ARHGEF3: variants seen among roughly 807,000 people sequenced by gnomAD.
The protein encoded by ARHGEF3 is Rho guanine nucleotide exchange factor 3.
A neutral mutation model predicts 63.2 loss-of-function variants in ARHGEF3; 28 were observed. The observed-to-expected ratio is 0.44, with a 90% CI of 0.33 to 0.61. The LOEUF (loss-of-function observed/expected upper bound fraction) is 0.61, where lower values mean the gene tolerates loss of function less well. Among genes scored for constraint, ARHGEF3 ranks in the 20% least tolerant of loss-of-function variants. The pLI, the probability that ARHGEF3 is intolerant of heterozygous loss-of-function variation, is 0.03. For synonymous variants in ARHGEF3, 266 were observed against 254.2 expected, an observed-to-expected ratio of 1.05 and a Z score of -0.44; for missense variants, 533 against 659.3, an observed-to-expected ratio of 0.81 and a Z score of 2.10.
At chr3:57,071,463 C>T (rs776751561) in intron 1 of ARHGEF3, among the ~76,000 whole-genome samples, 7 of 152,056 alleles carry the variant, frequency 4.6e-5, no homozygotes, top group African/African-American at 1.7e-4. Flanking sequence ...AGTTCCAGAC[C>T]AGCCTGGCCA....
rs1578622541 is a variant in ARHGEF3, at chr3:56,829,321, G to A, written c.192+52971C>T. Among the ~76,000 whole-genome samples the A allele has an allele frequency of 1.3e-5, 2 of 152,248 alleles. 1 individual carries two copies. Among genetic ancestry groups the A allele is most frequent in the South Asian group, 4.2e-4 (2 of 4,816 alleles). ...ACGTGGGCTCTCATGCAAGCTATCT[G>A]AGCTCCCGGTGAGTGTACAATTGGA... On this transcript the variant is annotated intron_variant, in intron 4 of 12. Transcript: ENST00000338458.
Position 56,823,560 on chromosome 3 carries a change from T to C in ARHGEF3, c.193-49744A>G, listed in dbSNP as rs80162651. ...CAAGTTCACTGGGAGATTGTGGACT[T>C]GGAAGTGCTTTGGAATCTATGAAAT... On this transcript the variant is annotated intron_variant, in intron 4 of 12. Coordinates refer to the ARHGEF3 transcript ENST00000338458. 7.9e-3 allele frequency among the ~76,000 whole-genome samples: 1,199 copies of C among 152,260 alleles called. 8 individuals carry two copies. The highest frequency in any genetic ancestry group is 0.012 in the Non-Finnish European group (831 of 68,020).
intron 2 of ARHGEF3, among the ~76,000 whole-genome samples, chr3:56,762,583 G>A (rs1239435900): frequency 6.6e-6 from 1 of 152,114 alleles, no homozygotes; most frequent in South Asian, 2.1e-4. Context: ...TGTTAATGCC[G>A]CCTGTTCAGC....
chr3:56,923,008 A>C (rs1201795261), intron 3 of ARHGEF3, among the ~76,000 whole-genome samples: 1 of 122,326 alleles, frequency 8.2e-6, no homozygotes, highest in African/African-American at 3.0e-5. Flanking sequence ...CAAAATGGCA[A>C]AACCCCATCT....
At position 56,751,373 on chromosome 3, in the gene ARHGEF3, T is replaced by A. The variant is rs756747104; in HGVS notation, c.462A>T (p.Lys154Asn). 1 of 1,613,746 alleles carries A rather than the reference T, an allele frequency of 6.2e-7. No individual in the cohort carries two copies. The highest frequency in any genetic ancestry group is 8.5e-7 in the Non-Finnish European group (1 of 1,179,882). The change falls in exon 5 of 10, where the codon AAA becomes AAT. Residue 154 changes from lysine to asparagine, a missense_variant. By Grantham distance (94) the Lys-to-Asn change is moderately conservative (BLOSUM62 0). This residue lies in a region of ARHGEF3 where 107 missense variants were observed against 207.9 expected (regional missense o/e 0.51). Coordinates refer to ENST00000296315, the MANE Select transcript of ARHGEF3 (RefSeq NM_019555.3). The stretch of plus-strand genomic sequence containing the variant: ...ACTCTTGTTCTGTCATTATGGAGAG[T>A]TTCAGCATGGGGTCATGATAGGCCT... ...AKKAYHDPML[K>N]LSIMTEQELN... is the part of the protein sequence containing the mutation.
At chr3:56,833,890 A>G (rs1045223064) in intron 4 of ARHGEF3, among the ~76,000 whole-genome samples, 2 of 150,398 alleles carry the variant, frequency 1.3e-5, no homozygotes, top group African/African-American at 4.9e-5. Flanking sequence ...ATTTTTCTGG[A>G]TTTTCAATAT....
At chr3:56,975,819 G>A in intron 2 of ARHGEF3, 3 of 416,138 alleles carry the variant, frequency 7.2e-6, no homozygotes, top group Admixed American at 3.2e-5. Flanking sequence ...AGTATAACAG[G>A]ACTTAAAAAA....
At chr3:56,975,060 T>A (rs1701070419) in intron 2 of ARHGEF3, among the ~76,000 whole-genome samples, 1 of 152,104 alleles carries the variant, frequency 6.6e-6, no homozygotes. Flanking sequence ...CATTATCATA[T>A]GGACTGGGGG....
chr3:56,749,857 T>C (rs2034616449), intron 6 of ARHGEF3, among the ~76,000 whole-genome samples: 1 of 151,128 alleles, frequency 6.6e-6, no homozygotes, highest in African/African-American at 2.5e-5. Context: ...ATCAAGTATC[T>C]TGATCAAGGC....
intron 1 of ARHGEF3, among the ~76,000 whole-genome samples, chr3:57,070,987 A>AG (rs1434055399): frequency 8.1e-6 from 1 of 123,122 alleles, no homozygotes; most frequent in Non-Finnish European, 1.8e-5. Flanking sequence ...AAAAAAAAAA[A>AG]GAAAGAAAGA....
intron 3 of ARHGEF3, among the ~76,000 whole-genome samples, chr3:56,906,054 C>T (rs952127828): frequency 1.3e-5 from 2 of 151,926 alleles, no homozygotes; most frequent in African/African-American, 2.4e-5. Context: ...TAGTAGAGAT[C>T]GGGTTTCATC....
At chr3:56,905,138 ACCTTTC>A (rs1401237035) in intron 3 of ARHGEF3, among the ~76,000 whole-genome samples, 2 of 152,066 alleles carry the variant, frequency 1.3e-5, no homozygotes, top group African/African-American at 4.8e-5. Context: ...TCTCTGATTC[ACCTTTC>A]CCTTAGAGTT....
chr3:56,753,472 T>G (rs762827144), intron 4 of ARHGEF3, 32 bp downstream of exon 4: 2 of 1,601,410 alleles, frequency 1.2e-6, no homozygotes, highest in East Asian at 4.5e-5. Context: ...AAAATGTGAC[T>G]TGACTCAAGT....
At chr3:56,857,189 T>C (rs1472911449) in intron 4 of ARHGEF3, among the ~76,000 whole-genome samples, 1 of 152,160 alleles carries the variant, frequency 6.6e-6, no homozygotes, top group Non-Finnish European at 1.5e-5. Context: ...AAAAATAAAT[T>C]TGATTTTAAA....
chr3:56,882,508 CTTTTT>C (rs397989726), intron 3 of ARHGEF3, among the ~76,000 whole-genome samples: 2 of 84,328 alleles, frequency 2.4e-5, no homozygotes, highest in African/African-American at 5.3e-5. Flanking sequence ...ATGAACACTT[CTTTTT>C]TTTTTTTTTT....
At chr3:56,961,355 A>G (rs1700271399) in intron 2 of ARHGEF3, among the ~76,000 whole-genome samples, 1 of 152,182 alleles carries the variant, frequency 6.6e-6, no homozygotes, top group Admixed American at 6.5e-5. Context: ...GTTAAACCAC[A>G]TGCCAGAAGT....
intron 4 of ARHGEF3, among the ~76,000 whole-genome samples, chr3:56,881,374 G>A (rs1297739659): frequency 6.6e-6 from 1 of 152,124 alleles, no homozygotes; most frequent in African/African-American, 2.4e-5. Flanking sequence ...TAAACCCCAG[G>A]GATGTGCAGA....
At chr3:57,060,576 C>T (rs905786275) in intron 1 of ARHGEF3, 1 of 152,276 alleles carries the variant, frequency 6.6e-6, no homozygotes. Context: ...TGGCATATCC[C>T]TTTGTTTGCT....
rs1056235696 is a variant in ARHGEF3, at chr3:56,740,448, C to A, written c.871-3093G>T. Among the ~76,000 whole-genome samples the A allele has an allele frequency of 2.0e-5, 3 of 152,000 alleles. No homozygotes were observed. In the South Asian group the frequency reaches 6.2e-4, roughly 32 times the overall value. On this transcript the variant is annotated intron_variant, in intron 7 of 9. Transcript: ENST00000296315. Reference sequence around the variant, plus strand: ...GTATACTTTCTTAGTTTCTTTTTTCCTTTCTTGGTTTTCAAAAATGAATGA... The same window carrying A: ...GTATACTTTCTTAGTTTCTTTTTTCATTTCTTGGTTTTCAAAAATGAATGA...
Sources: allele counts gnomAD v4.1 joint callset (sites outside exome capture counted in the v4.1 genomes callset), GRCh38; gene constraint gnomAD v4.1.1; regional missense constraint gnomAD v4.1.1; transcripts MANE v1.5; gene names NCBI Gene and HGNC (gene_info 2026-07-23, HGNC 2026-07-21).